ERAP1: variants seen among roughly 807,000 people sequenced by gnomAD.
ERAP1 encodes adipocyte-derived leucine aminopeptidase.
A neutral mutation model predicts 103.7 loss-of-function variants in ERAP1; 86 were observed. That is an observed-to-expected ratio of 0.83 (90% confidence interval 0.70 to 0.99). The LOEUF is 0.99. ERAP1 is among the 50% of genes least tolerant of loss of function. ERAP1 has a pLI of 0.00. For missense variants in ERAP1, 1,009 were observed against 1,128.4 expected (o/e 0.89, Z 1.52); for synonymous variants, 398 against 402.4 (o/e 0.99, Z 0.13).
chr5:96,918,635 C>T, the ERAP1 span: 1 of 152,054 alleles, frequency 6.6e-6, no homozygotes, highest in Non-Finnish European at 1.5e-5. Flanking sequence ...TGGTTTAAGC[C>T]TTACATTCAT....
At chr5:96,859,060 TACACACACACACACAC>T in the ERAP1 span, among the ~76,000 whole-genome samples, 14 of 144,830 alleles carry the variant, frequency 9.7e-5, 1 homozygote, top group East Asian at 4.1e-4. Context: ...GCCACATGCA[TACACACACACACACAC>T]ACACACACAC....
chr5:96,777,231 A>G (rs1298661780), intron 18 of ERAP1, among the ~76,000 whole-genome samples: 2 of 152,208 alleles, frequency 1.3e-5, no homozygotes, highest in East Asian at 1.9e-4. Flanking sequence ...CACATGACAG[A>G]TAGGCTGGCT....
rs1778273007 is a variant in ERAP1 at position 96,803,897 on chromosome 5, A to C, written c.30T>G (p.Leu10=). 1 of 1,609,804 alleles carries C rather than the reference A, an allele frequency of 6.2e-7. No individual in the cohort carries two copies. The highest frequency in any genetic ancestry group is 1.7e-4 in the Middle Eastern group (1 of 6,050). Residue 10 remains leucine (L), a synonymous_variant, in exon 2 of 19, where the codon CTT becomes CTG. Coordinates refer to ENST00000443439, the MANE Select transcript of ERAP1 (RefSeq NM_001040458.3). MVFLPLKWS[L]ATMSFLLSSL... ...AGGAAAGTAGAAATGACATGGTTGCAAGGGACCATTTGAGGGGCAGAAACA... is the reference window on the plus strand; with the variant it reads ...AGGAAAGTAGAAATGACATGGTTGCCAGGGACCATTTGAGGGGCAGAAACA...
At chr5:96,888,192 T>C in the ERAP1 span, among the ~76,000 whole-genome samples, 1 of 151,874 alleles carries the variant, frequency 6.6e-6, no homozygotes, top group Non-Finnish European at 1.5e-5. Flanking sequence ...AAGTATCTAT[T>C]ACAATTTACA....
chr5:96,917,728 G>C, the ERAP1 span: 2 of 662,014 alleles, frequency 3.0e-6, no homozygotes, highest in South Asian at 4.4e-5. Flanking sequence ...AACACGGTGA[G>C]ACCCCGTCTC....
At chr5:96,862,623 C>T in the ERAP1 span, among the ~76,000 whole-genome samples, 14 of 152,284 alleles carry the variant, frequency 9.2e-5, no homozygotes, top group South Asian at 2.7e-3. Flanking sequence ...CCATCATTGT[C>T]TGGTGAATGG....
At chr5:96,881,296 C>A in the ERAP1 span, 1 of 404,616 alleles carries the variant, frequency 2.5e-6, no homozygotes. Context: ...AGAAGTGATG[C>A]TAATTTGGGC....
the ERAP1 span, among the ~76,000 whole-genome samples, chr5:96,815,732 T>C: frequency 6.6e-6 from 1 of 152,188 alleles, no homozygotes; most frequent in African/African-American, 2.4e-5. Flanking sequence ...TTTTTTTCTT[T>C]ACTGTTTTTG....
At chr5:96,843,959 G>T in the ERAP1 span, among the ~76,000 whole-genome samples, 1 of 152,224 alleles carries the variant, frequency 6.6e-6, no homozygotes, top group African/African-American at 2.4e-5. Context: ...CCAAACCATT[G>T]TATTATCTCC....
At chr5:96,905,181 A>G in the ERAP1 span, among the ~76,000 whole-genome samples, 1 of 152,210 alleles carries the variant, frequency 6.6e-6, no homozygotes, top group Non-Finnish European at 1.5e-5. Flanking sequence ...CATGAATAGG[A>G]GGAGGAGATG....
chr5:96,800,780 A>G (rs923745254), intron 3 of ERAP1, 82 bp downstream of exon 3: 3 of 1,450,850 alleles, frequency 2.1e-6, no homozygotes, highest in Admixed American at 1.7e-5. Flanking sequence ...AGGTGACCCA[A>G]TGTTGACTGT....
the ERAP1 span, among the ~76,000 whole-genome samples, chr5:96,856,381 G>GAGAGAGAGAGAC: frequency 9.1e-6 from 1 of 109,426 alleles, no homozygotes; most frequent in Non-Finnish European, 1.9e-5. Context: ...GAGAGAGAGA[G>GAGAGAGAGAGAC]AGAGAGAGAG....
In ERAP1 at chr5:96,781,148, G is replaced by A. The variant is rs1775110587; in HGVS notation, c.2498C>T (p.Pro833Leu). The A allele has an allele frequency of 6.2e-7, 1 of 1,612,768 alleles. No individual in the cohort carries two copies. ...CCTGCCAATGAGTGTAAGAATTTGTGGAAACTCCTGAGTTTTTATTTTATC... is the reference window on the plus strand; with the variant it reads ...CCTGCCAATGAGTGTAAGAATTTGTAGAAACTCCTGAGTTTTTATTTTATC... ...KGDKIKTQEF[P>L]QILTLIGRNP... Residue 833 changes from proline (P) to leucine (L), a missense_variant, in exon 17 of 19, where the codon CCA becomes CTA. Transcript: ENST00000443439.
At chr5:96,866,606 G>A in the ERAP1 span, among the ~76,000 whole-genome samples, 17 of 152,208 alleles carry the variant, frequency 1.1e-4, no homozygotes, top group African/African-American at 3.6e-4. Context: ...TGTCATTCCC[G>A]CAGCTATAAA....
chr5:96,862,450 G>A, the ERAP1 span, among the ~76,000 whole-genome samples: 1 of 152,180 alleles, frequency 6.6e-6, no homozygotes, highest in Non-Finnish European at 1.5e-5. Context: ...TGCCAACCTT[G>A]TGAAGATGGC....
chr5:96,912,873 A>T, the ERAP1 span: 3 of 1,267,282 alleles, frequency 2.4e-6, no homozygotes, highest in South Asian at 4.1e-5. Flanking sequence ...AACTTCAGCC[A>T]CCAGTTTTAA....
At chr5:96,888,989 G>T in the ERAP1 span, among the ~76,000 whole-genome samples, 1 of 152,118 alleles carries the variant, frequency 6.6e-6, no homozygotes, top group East Asian at 1.9e-4. Context: ...AAGATTCAGG[G>T]TGTTTGTAAT....
chr5:96,929,506 A>T, the ERAP1 span, among the ~76,000 whole-genome samples: 1 of 136,648 alleles, frequency 7.3e-6, no homozygotes, highest in South Asian at 2.2e-4. Context: ...TCTTCTTGAG[A>T]CGGGGCTTCA....
At chr5:96,813,567 C>A in the ERAP1 span, among the ~76,000 whole-genome samples, 1 of 144,730 alleles carries the variant, frequency 6.9e-6, no homozygotes, top group Non-Finnish European at 1.5e-5. Flanking sequence ...GCAGGGGAAT[C>A]CCTTGAACCC....
Sources: gnomAD v4.1 joint callset for allele counts (sites outside exome capture counted in the v4.1 genomes callset) on GRCh38, gnomAD v4.1.1 for gene constraint, MANE v1.5 for transcripts, NCBI Gene and HGNC (gene_info 2026-07-23, HGNC 2026-07-21) for gene names.